ATP2B2: variants seen among roughly 807,000 people sequenced by gnomAD.
ATP2B2 encodes the protein ATPase plasma membrane Ca2+ transporting 2, also known as plasma membrane calcium-transporting ATPase 2.
A neutral mutation model predicts 120.0 loss-of-function variants in ATP2B2; 15 were observed. The ratio of observed to expected loss-of-function variants is 0.12; its 90% CI spans 0.08 to 0.19. ATP2B2 has a LOEUF of 0.19. ATP2B2 is among the 10% of genes least tolerant of loss of function. The probability of loss-of-function intolerance (pLI) is 1.00; values close to 1 mark genes in which losing one functional copy is unlikely to be tolerated. For synonymous variants in ATP2B2, 694 were observed against 700.3 expected, an observed-to-expected ratio of 0.99 and a Z score of 0.14; for missense variants, 1,045 against 1,719.8, an observed-to-expected ratio of 0.61 and a Z score of 6.94.
intron 1 of ATP2B2, among the ~76,000 whole-genome samples, chr3:10,666,140 C>T (rs1461733168): frequency 1.3e-5 from 2 of 152,178 alleles, no homozygotes; most frequent in Admixed American, 6.5e-5. Flanking sequence ...CCCCTGGGCA[C>T]GGAGTCCCCA....
chr3:10,390,059 C>T (rs1397559371), intron 5 of ATP2B2, among the ~76,000 whole-genome samples: 1 of 152,090 alleles, frequency 6.6e-6, no homozygotes, highest in Admixed American at 6.5e-5. Context: ...GTATATGATG[C>T]AGGACACACT....
At chr3:10,334,183 C>T (rs540399071) in intron 22 of ATP2B2, among the ~76,000 whole-genome samples, 37 of 152,302 alleles carry the variant, frequency 2.4e-4, no homozygotes, top group African/African-American at 3.4e-4. Flanking sequence ...AGGTGTGCTC[C>T]GTCGTGGCCA....
chr3:10,607,148 C>T (rs1457594755), intron 2 of ATP2B2, among the ~76,000 whole-genome samples: 8 of 152,102 alleles, frequency 5.3e-5, no homozygotes, highest in African/African-American at 9.7e-5. Context: ...GCTTGGCGGT[C>T]GGCAGGAAGC....
chr3:10,455,721 G>C (rs2064230753), intron 1 of ATP2B2, among the ~76,000 whole-genome samples: 1 of 152,226 alleles, frequency 6.6e-6, no homozygotes, highest in South Asian at 2.1e-4. Context: ...GCCAGACCTG[G>C]CCTAAAGAGG....
At chr3:10,350,287 C>G in intron 15 of ATP2B2, 88 bp from the exon 16 acceptor site, 1 of 1,584,050 alleles carries the variant, frequency 6.3e-7, no homozygotes, top group Non-Finnish European at 8.6e-7. Flanking sequence ...CCCAGAGTCA[C>G]TGGGCTCTTA....
chr3:10,643,778 T>C (rs2070240119), intron 1 of ATP2B2, among the ~76,000 whole-genome samples: 1 of 151,968 alleles, frequency 6.6e-6, no homozygotes, highest in African/African-American at 2.4e-5. Flanking sequence ...GACAACCAAA[T>C]GCAGTATCTG....
At chr3:10,700,352 T>G (rs367776956) in intron 1 of ATP2B2, among the ~76,000 whole-genome samples, 3 of 152,078 alleles carry the variant, frequency 2.0e-5, no homozygotes, top group Non-Finnish European at 4.4e-5. Context: ...CCCAAGCCAC[T>G]CAACAAATAA....
intron 2 of ATP2B2, among the ~76,000 whole-genome samples, chr3:10,443,445 A>G (rs1414243065): frequency 6.6e-6 from 1 of 152,130 alleles, no homozygotes; most frequent in Non-Finnish European, 1.5e-5. Flanking sequence ...CCATGTGACT[A>G]TAAGTGGCCC....
In ATP2B2 at chr3:10,329,697, G is replaced by A. The variant is rs570394776; in HGVS notation, c.3421-572C>T. Among the ~76,000 whole-genome samples the A allele has an allele frequency of 2.6e-5, 4 of 152,288 alleles. No homozygotes were observed. The highest frequency in any genetic ancestry group is 1.9e-4 in the East Asian group (1 of 5,182). On this transcript the variant is annotated intron_variant, in intron 22 of 22. Coordinates refer to ENST00000360273, the MANE Select transcript of ATP2B2 (RefSeq NM_001001331.4). This position sits in a 1 kb window ranked among gnomAD's most constrained non-coding sequence, Gnocchi z 5.9. ...GAGACACATGAGGGCCAAACAGAAC[G>A]GGAACATCAAACCAAAGGCAGCAAA...
chr3:10,482,161 T>C (rs1434099715), intron 1 of ATP2B2, among the ~76,000 whole-genome samples: 1 of 152,174 alleles, frequency 6.6e-6, no homozygotes, highest in Non-Finnish European at 1.5e-5. Flanking sequence ...AGTGGATGAG[T>C]GAGCGCAGGC....
At chr3:10,450,619 A>G (rs764661505) in intron 1 of ATP2B2, among the ~76,000 whole-genome samples, 13 of 152,200 alleles carry the variant, frequency 8.5e-5, no homozygotes, top group Admixed American at 2.0e-4. Context: ...AATGTCATTG[A>G]GCCCAGAGCT....
intron 2 of ATP2B2, among the ~76,000 whole-genome samples, chr3:10,598,835 T>G (rs917145796): frequency 1.3e-5 from 2 of 152,240 alleles, no homozygotes; most frequent in Non-Finnish European, 2.9e-5. Flanking sequence ...TGAGCAGGGT[T>G]GATGACCTGC....
chr3:10,366,463 CG>C, intron 12 of ATP2B2, among the ~76,000 whole-genome samples: 2 of 152,294 alleles, frequency 1.3e-5, no homozygotes, highest in East Asian at 3.9e-4. Flanking sequence ...AGAACCACTT[CG>C]GGGGCTCCAG....
chr3:10,602,297 T>G (rs1053323477), intron 2 of ATP2B2, among the ~76,000 whole-genome samples: 1 of 152,204 alleles, frequency 6.6e-6, no homozygotes, highest in African/African-American at 2.4e-5. Context: ...CCCGGGACTT[T>G]CCCAGACTCT....
intron 1 of ATP2B2, among the ~76,000 whole-genome samples, chr3:10,494,356 A>C (rs1451614521): frequency 6.6e-6 from 1 of 152,148 alleles, no homozygotes; most frequent in Non-Finnish European, 1.5e-5. Context: ...GGTTGGTACT[A>C]GTATTTTTGC....
chr3:10,671,316 T>C (rs1009245571), intron 1 of ATP2B2, among the ~76,000 whole-genome samples: 1 of 152,184 alleles, frequency 6.6e-6, no homozygotes, highest in Non-Finnish European at 1.5e-5. Flanking sequence ...CTCTGTGGTT[T>C]GGGGCCCTCT....
chr3:10,583,626 C>G (rs781043470), intron 2 of ATP2B2, among the ~76,000 whole-genome samples: 2 of 152,158 alleles, frequency 1.3e-5, no homozygotes, highest in East Asian at 1.9e-4. Context: ...ACTTCATGAA[C>G]GTAGGACAAC....
At chr3:10,512,601 A>C (rs1476367848) in intron 3 of ATP2B2, among the ~76,000 whole-genome samples, 1 of 152,074 alleles carries the variant, frequency 6.6e-6, no homozygotes, top group Non-Finnish European at 1.5e-5. Flanking sequence ...GAGTGGAGCT[A>C]ACAAACCCAG....
At chr3:10,377,594 G>A (rs1341503696) in intron 10 of ATP2B2, among the ~76,000 whole-genome samples, 1 of 152,204 alleles carries the variant, frequency 6.6e-6, no homozygotes, top group Non-Finnish European at 1.5e-5. Context: ...GCCATCACCT[G>A]CAGTTACCAC....
Sources: allele counts gnomAD v4.1 joint callset (sites outside exome capture counted in the v4.1 genomes callset), GRCh38; gene constraint gnomAD v4.1.1; non-coding constraint Gnocchi (gnomAD v3.1); transcripts MANE v1.5; gene names NCBI Gene and HGNC (gene_info 2026-07-23, HGNC 2026-07-21).